RAB40B: variants seen among roughly 807,000 people sequenced by gnomAD.
RAB40B encodes the protein RAB40B, member RAS oncogene family.
In RAB40B, 21 loss-of-function variants were observed where a neutral mutation model predicts 24.0. The ratio of observed to expected loss-of-function variants is 0.88; its 90% CI spans 0.62 to 1.26. RAB40B has a LOEUF of 1.26. Among genes scored for constraint, RAB40B ranks in the 50% most tolerant of loss-of-function variants. The pLI is 0.00. For missense variants in RAB40B, 348 were observed against 390.5 expected, an observed-to-expected ratio of 0.89 and a Z score of 0.92; for synonymous variants, 167 against 169.8, an observed-to-expected ratio of 0.98 and a Z score of 0.13.
At position 82,662,694 on chromosome 17, in the gene RAB40B, G is replaced by A. The variant is rs1045007166; in HGVS notation, c.204-1647C>T. The A allele has an allele frequency of 5.1e-6, 5 of 985,178 alleles. No individual in the cohort carries two copies. In the African/African-American group the frequency reaches 8.7e-5, roughly 17 times the overall value. The allele number at this position is 985,178 out of a possible 1,614,324, so 61.0% of individuals were successfully genotyped here. On this transcript the variant is annotated intron_variant, in intron 2 of 5. Coordinates refer to ENST00000571995, the MANE Select transcript of RAB40B (RefSeq NM_006822.3). ...AGGAGAGCAGCCTCAGGGTCCTGCTGGGGCCTGGGGGGATTCTGAGCTTGG... is the reference window on the plus strand; with the variant it reads ...AGGAGAGCAGCCTCAGGGTCCTGCTAGGGCCTGGGGGGATTCTGAGCTTGG...
rs1303271447 is a variant in RAB40B at position 82,658,709 on chromosome 17, G to T, written c.347C>A (p.Ala116Asp). 6.2e-7 allele frequency: 1 copy of T among 1,608,498 alleles called. No individual in the cohort carries two copies. Among genetic ancestry groups the T allele is most frequent in the African/African-American group, 1.3e-5 (1 of 74,828 alleles). ...DRWIKEIDEH[A>D]PGVPKILVGN... ...CACCAGGATCTTGGGGACTCCGGGGGCATGCTAGCGGGCAGGAGAAAGGCG... is the reference window on the plus strand; with the variant it reads ...CACCAGGATCTTGGGGACTCCGGGGTCATGCTAGCGGGCAGGAGAAAGGCG... The change falls in exon 5 of 6, where the codon GCC becomes GAC. Residue 116 changes from alanine to aspartate, a missense_variant. Ala to Asp is a moderately radical substitution (Grantham distance 126). This residue lies in a region of RAB40B where 126 missense variants were observed against 181.0 expected (regional missense o/e 0.70). Transcript: ENST00000571995.
intron 1 of RAB40B, among the ~76,000 whole-genome samples, chr17:82,682,955 T>A (rs1194592847): frequency 6.6e-6 from 1 of 152,102 alleles, no homozygotes; most frequent in Non-Finnish European, 1.5e-5. Context: ...CCATCCTGGC[T>A]AACAAGGTAA....
intron 1 of RAB40B, among the ~76,000 whole-genome samples, chr17:82,695,311 C>T (rs1199999088): frequency 1.3e-5 from 2 of 151,196 alleles, no homozygotes; most frequent in Non-Finnish European, 2.9e-5. Context: ...CCTGCCTCAG[C>T]CTCCCAAGTA....
At chr17:82,696,881 TG>T (rs2046614457) in intron 1 of RAB40B, 2 of 153,858 alleles carry the variant, frequency 1.3e-5, no homozygotes, top group Non-Finnish European at 2.9e-5. Context: ...GGAAGCTTTT[TG>T]TTTTCTTTCC....
At chr17:82,669,343 C>A (rs573027911) in intron 1 of RAB40B, among the ~76,000 whole-genome samples, 1 of 151,970 alleles carries the variant, frequency 6.6e-6, no homozygotes, top group Admixed American at 6.6e-5. Flanking sequence ...GGCGTGGTGG[C>A]GGGTGCCTGT....
chr17:82,665,214 A>AAAAC (rs753006932), intron 1 of RAB40B, among the ~76,000 whole-genome samples: 2 of 151,320 alleles, frequency 1.3e-5, no homozygotes, highest in Non-Finnish European at 2.9e-5. Context: ...TTTCAAGTTA[A>AAAAC]AAACAAACAA....
At chr17:82,672,521 A>C (rs1027121208) in intron 1 of RAB40B, among the ~76,000 whole-genome samples, 4 of 152,256 alleles carry the variant, frequency 2.6e-5, no homozygotes, top group Non-Finnish European at 5.9e-5. Flanking sequence ...TAGAAAGGTA[A>C]ACCTCCAGTT....
intron 1 of RAB40B, among the ~76,000 whole-genome samples, chr17:82,678,158 T>A (rs1048635918): frequency 6.6e-6 from 1 of 152,242 alleles, no homozygotes; most frequent in Non-Finnish European, 1.5e-5. Context: ...TCTGTGTGTT[T>A]GCTCTTTCGT....
chr17:82,691,654 C>T (rs1314903125), intron 1 of RAB40B, among the ~76,000 whole-genome samples: 2 of 152,180 alleles, frequency 1.3e-5, no homozygotes, highest in African/African-American at 4.8e-5. Flanking sequence ...TGCACTCCAG[C>T]CTGGGCGACA....
chr17:82,660,872 C>G, intron 3 of RAB40B, 115 bp downstream of exon 3: 1 of 1,330,722 alleles, frequency 7.5e-7, no homozygotes, highest in Non-Finnish European at 1.0e-6. Flanking sequence ...CCAATTTATA[C>G]GTAAGCTTAA....
intron 1 of RAB40B, among the ~76,000 whole-genome samples, chr17:82,683,580 G>C (rs2046465744): frequency 6.6e-6 from 1 of 152,024 alleles, no homozygotes. Flanking sequence ...TTGAGCCCAG[G>C]ATCTCTTGAG....
Position 82,667,102 on chromosome 17 carries a change from T to A in RAB40B, c.143-2546A>T, listed in dbSNP as rs1360322312. On this transcript the variant is annotated intron_variant, in intron 1 of 5. Coordinates refer to ENST00000571995, the MANE Select transcript of RAB40B (RefSeq NM_006822.3). This position sits in a 1 kb window ranked among gnomAD's most constrained non-coding sequence, Gnocchi z 4.3. ...CCAGAGAAGCCCACGATGTAGCCAG[T>A]GAGTGCCCAGAAACAGGCTCCTCTA... 2.0e-5 allele frequency among the ~76,000 whole-genome samples: 3 copies of A among 152,210 alleles called. No individual in the cohort carries two copies. In the East Asian group the frequency reaches 5.8e-4, roughly 29 times the overall value.
intron 1 of RAB40B, among the ~76,000 whole-genome samples, chr17:82,686,194 C>A (rs185534790): frequency 6.6e-6 from 1 of 150,520 alleles, no homozygotes; most frequent in Non-Finnish European, 1.5e-5. Flanking sequence ...TCACTGAAAC[C>A]TCCGCTTCCG....
At chr17:82,660,261 A>T (rs570444469) in intron 3 of RAB40B, among the ~76,000 whole-genome samples, 2 of 151,808 alleles carry the variant, frequency 1.3e-5, no homozygotes, top group South Asian at 4.2e-4. Flanking sequence ...ATGCATGCAC[A>T]TAAACAGGCA....
intron 2 of RAB40B, among the ~76,000 whole-genome samples, chr17:82,661,716 G>T (rs1275944266): frequency 1.3e-5 from 2 of 152,064 alleles, no homozygotes; most frequent in Non-Finnish European, 2.9e-5. Flanking sequence ...GTGAAACCCC[G>T]TCTCTACTAA....
rs553102871 is a variant in RAB40B, at chr17:82,663,643, C to T, written c.203+853G>A. Among the ~76,000 whole-genome samples, 21 of 152,224 alleles carry T rather than the reference C, an allele frequency of 1.4e-4. No homozygotes were observed. Among genetic ancestry groups the T allele is most frequent in the Non-Finnish European group, 2.5e-4 (17 of 67,994 alleles). On this transcript the variant is annotated intron_variant, in intron 2 of 5. Coordinates refer to ENST00000571995, the MANE Select transcript of RAB40B (RefSeq NM_006822.3). The surrounding 1 kb of genome is among the most constrained non-coding windows in gnomAD (Gnocchi z 6.2). Reference sequence around the variant, plus strand: ...TGGCCAGCAAGTCCTCACCTCCCCACGTCTGGGTCCTCCACCCGCAGGCCC... The same window carrying T: ...TGGCCAGCAAGTCCTCACCTCCCCATGTCTGGGTCCTCCACCCGCAGGCCC...
intron 3 of RAB40B, among the ~76,000 whole-genome samples, chr17:82,660,687 TACACAC>T (rs66713002): frequency 0.028 from 4,190 of 147,966 alleles, 79 homozygotes; most frequent in Non-Finnish European, 0.041. Context: ...CACACACATG[TACACAC>T]ACACACACAC....
intron 1 of RAB40B, among the ~76,000 whole-genome samples, chr17:82,674,555 C>T (rs1466775029): frequency 2.1e-5 from 3 of 143,284 alleles, no homozygotes; most frequent in Non-Finnish European, 4.6e-5. Context: ...AGGAGAATGG[C>T]GTGAACCCAG....
chr17:82,695,586 TATA>T (rs1210891381), intron 1 of RAB40B, among the ~76,000 whole-genome samples: 1 of 147,536 alleles, frequency 6.8e-6, no homozygotes, highest in Admixed American at 6.8e-5. Flanking sequence ...GGCTCAGGCC[TATA>T]ATCTCAGCAT....
Sources: allele counts gnomAD v4.1 joint callset (sites outside exome capture counted in the v4.1 genomes callset), GRCh38; gene constraint gnomAD v4.1.1; regional missense constraint gnomAD v4.1.1; non-coding constraint Gnocchi (gnomAD v3.1); transcripts MANE v1.5; gene names NCBI Gene and HGNC (gene_info 2026-07-23, HGNC 2026-07-21).